The following BABAM2 variants were observed in gnomAD, a reference collection of about 807,000 sequenced individuals.
BABAM2 encodes the protein BRISC and BRCA1-A complex member 2.
Under a neutral mutation model 54.7 loss-of-function variants are expected in BABAM2, and 31 were observed. That is an observed-to-expected ratio of 0.57 (90% CI 0.43 to 0.77). The LOEUF (loss-of-function observed/expected upper bound fraction) is 0.77, where lower values mean the gene tolerates loss of function less well. Among genes scored for constraint, BABAM2 ranks in the 30% least tolerant of loss-of-function variants. The pLI, the probability that BABAM2 is intolerant of heterozygous loss-of-function variation, is 0.00. For synonymous variants in BABAM2, 167 were observed against 162.9 expected (o/e 1.03, Z -0.19); for missense variants, 364 against 455.8 (o/e 0.80, Z 1.83).
intron 6 of BABAM2, among the ~76,000 whole-genome samples, chr2:28,099,355 G>T (rs892918176): frequency 9.2e-5 from 14 of 152,070 alleles, no homozygotes; most frequent in African/African-American, 3.4e-4. Flanking sequence ...ACACCCCGAG[G>T]CCTCTTGGGG....
chr2:28,028,920 C>T (rs1292998639), intron 5 of BABAM2, among the ~76,000 whole-genome samples: 1 of 152,120 alleles, frequency 6.6e-6, no homozygotes, highest in Non-Finnish European at 1.5e-5. Flanking sequence ...GTGCATGCCA[C>T]CACGCCCGGC....
chr2:28,074,018 CAT>C (rs1410220364), intron 6 of BABAM2, among the ~76,000 whole-genome samples: 1 of 151,432 alleles, frequency 6.6e-6, no homozygotes, highest in African/African-American at 2.4e-5. Flanking sequence ...TATACACACA[CAT>C]ATATACACAT....
At chr2:28,209,019 C>T (rs1262969411) in intron 7 of BABAM2, among the ~76,000 whole-genome samples, 6 of 152,174 alleles carry the variant, frequency 3.9e-5, no homozygotes, top group African/African-American at 1.4e-4. Context: ...GTGGCTGGGC[C>T]TCAGTTGCCT....
At chr2:28,030,328 C>T (rs577991556) in intron 5 of BABAM2, among the ~76,000 whole-genome samples, 23 of 152,290 alleles carry the variant, frequency 1.5e-4, no homozygotes, top group Non-Finnish European at 2.4e-4. Context: ...TACTGCTACA[C>T]TTATCTCAGT....
chr2:28,128,663 G>T (rs972533819), intron 6 of BABAM2, among the ~76,000 whole-genome samples: 25 of 152,056 alleles, frequency 1.6e-4, no homozygotes, highest in South Asian at 1.0e-3. Flanking sequence ...GTACATACTT[G>T]GATCAACAAT....
At chr2:28,330,869 G>T (rs12714230) in intron 11 of BABAM2, among the ~76,000 whole-genome samples, 82 of 152,082 alleles carry the variant, frequency 5.4e-4, no homozygotes, top group African/African-American at 1.8e-3. Flanking sequence ...AAAAGAGCCC[G>T]TATAGCCAAG....
At chr2:28,212,504 A>G (rs191976939) in intron 7 of BABAM2, among the ~76,000 whole-genome samples, 1 of 152,306 alleles carries the variant, frequency 6.6e-6, no homozygotes, top group Admixed American at 6.5e-5. Flanking sequence ...TAAGTTTCTT[A>G]TATCCTTTGG....
chr2:27,919,181 G>A (rs928337515), intron 2 of BABAM2, among the ~76,000 whole-genome samples: 2 of 152,072 alleles, frequency 1.3e-5, no homozygotes, highest in Non-Finnish European at 2.9e-5. Context: ...ACAGTTGATG[G>A]TATATGGAAA....
chr2:27,963,789 C>A (rs1017466955), intron 3 of BABAM2, among the ~76,000 whole-genome samples: 6 of 152,068 alleles, frequency 3.9e-5, no homozygotes, highest in African/African-American at 1.4e-4. Context: ...AGATGAAATA[C>A]TCTAGGGTTG....
intron 6 of BABAM2, among the ~76,000 whole-genome samples, chr2:28,086,553 CTT>C (rs1665657873): frequency 1.3e-5 from 2 of 152,246 alleles, no homozygotes; most frequent in South Asian, 4.1e-4. Flanking sequence ...CAAATAGTAA[CTT>C]TTGTGAGCTG....
At chr2:28,317,726 C>G (rs1223577417) in intron 11 of BABAM2, among the ~76,000 whole-genome samples, 5 of 152,352 alleles carry the variant, frequency 3.3e-5, no homozygotes, top group Admixed American at 3.3e-4. Context: ...AGAGGTTTGA[C>G]TAGCTGCTGA....
At chr2:27,961,428 T>A (rs943738119) in intron 3 of BABAM2, among the ~76,000 whole-genome samples, 1 of 152,228 alleles carries the variant, frequency 6.6e-6, no homozygotes, top group Admixed American at 6.5e-5. Flanking sequence ...AACACTTTAT[T>A]ATAAAATAGA....
chr2:28,221,076 C>G (rs1435217944), intron 7 of BABAM2, among the ~76,000 whole-genome samples: 1 of 152,086 alleles, frequency 6.6e-6, no homozygotes, highest in African/African-American at 2.4e-5. Flanking sequence ...TCTCTCCTTT[C>G]ACCACCGCTG....
chr2:28,158,540 C>G (rs1413323573), intron 7 of BABAM2, among the ~76,000 whole-genome samples: 1 of 152,218 alleles, frequency 6.6e-6, no homozygotes, highest in East Asian at 1.9e-4. Context: ...AATCTCAGTA[C>G]CAGTATGAGC....
chr2:28,136,644 CA>C (rs1184588554), intron 7 of BABAM2, among the ~76,000 whole-genome samples: 1 of 152,202 alleles, frequency 6.6e-6, no homozygotes, highest in Non-Finnish European at 1.5e-5. Flanking sequence ...AGCGGTTTAT[CA>C]ACTGAATCCT....
At chr2:27,957,459 A>G (rs756771714) in intron 3 of BABAM2, among the ~76,000 whole-genome samples, 1 of 152,156 alleles carries the variant, frequency 6.6e-6, no homozygotes, top group Non-Finnish European at 1.5e-5. Flanking sequence ...ACTATCTGCT[A>G]TTCTTCAACA....
chr2:28,110,009 C>G (rs1449511739), intron 6 of BABAM2, among the ~76,000 whole-genome samples: 1 of 152,090 alleles, frequency 6.6e-6, no homozygotes, highest in Non-Finnish European at 1.5e-5. Flanking sequence ...TTTTATAAAA[C>G]TAAAACTCTA....
At chr2:28,243,583 T>G (rs1310942212) in intron 9 of BABAM2, among the ~76,000 whole-genome samples, 4 of 151,916 alleles carry the variant, frequency 2.6e-5, no homozygotes, top group African/African-American at 7.3e-5. Context: ...GGCAGGTGCC[T>G]GTAATCCCAG....
chr2:27,923,588 A>T (rs1307815858), intron 2 of BABAM2, among the ~76,000 whole-genome samples: 2 of 152,256 alleles, frequency 1.3e-5, no homozygotes, highest in Non-Finnish European at 2.9e-5. Flanking sequence ...ACTGCACTCC[A>T]GCCTGGGCTC....
Sources: allele counts gnomAD v4.1 joint callset (sites outside exome capture counted in the v4.1 genomes callset), GRCh38; gene constraint gnomAD v4.1.1; transcripts MANE v1.5; gene names NCBI Gene and HGNC (gene_info 2026-07-23, HGNC 2026-07-21).